The following METTL24 variants were observed in gnomAD, a reference collection of about 807,000 sequenced individuals.
METTL24 encodes the protein methyltransferase like 24, also known as probable methyltransferase-like protein 24.
Under a neutral mutation model 32.7 loss-of-function variants are expected in METTL24, and 29 were observed. That is an observed-to-expected ratio of 0.89 (90% CI 0.66 to 1.21). METTL24 has a LOEUF of 1.21. Among genes scored for constraint, METTL24 ranks in the 50% most tolerant of loss-of-function variants. The pLI, the probability that METTL24 is intolerant of heterozygous loss-of-function variation, is 0.00. For missense variants in METTL24, 439 were observed against 468.1 expected, an observed-to-expected ratio of 0.94 and a Z score of 0.57; for synonymous variants, 163 against 179.5, an observed-to-expected ratio of 0.91 and a Z score of 0.73.
chr6:110,263,803 C>A (rs972565214), intron 4 of METTL24, among the ~76,000 whole-genome samples: 24 of 152,122 alleles, frequency 1.6e-4, no homozygotes, highest in Non-Finnish European at 2.6e-4. Context: ...ACAGAGCCCT[C>A]AGAAATAATG....
rs1778196615 is a variant in METTL24, at chr6:110,247,814, G to C, written c.787-1554C>G. ...TTCTCATTGCATGTCTGTTTGATAA[G>C]TTTCTCATATGAGGCTCAAACGTGA... On this transcript the variant is annotated intron_variant, in intron 4 of 4. Transcript: ENST00000338882. Among the ~76,000 whole-genome samples the C allele has an allele frequency of 2.0e-5, 3 of 152,272 alleles. No individual in the cohort carries two copies. The Middle Eastern group carries it at 0.01, about 518-fold the overall frequency.
At chr6:110,274,885 A>C (rs1044525139) in intron 4 of METTL24, among the ~76,000 whole-genome samples, 16 of 134,100 alleles carry the variant, frequency 1.2e-4, no homozygotes, top group Admixed American at 8.0e-4. Context: ...TACAACCTCC[A>C]CCTCTCAGGC....
intron 4 of METTL24, chr6:110,253,810 C>A: frequency 1.8e-6 from 2 of 1,127,506 alleles, no homozygotes; most frequent in Non-Finnish European, 2.3e-6. Context: ...GTTTTCAAAT[C>A]TGCTTTTTAA....
chr6:110,282,207 C>T (rs777382267), intron 4 of METTL24, among the ~76,000 whole-genome samples: 2 of 152,130 alleles, frequency 1.3e-5, no homozygotes, highest in Non-Finnish European at 2.9e-5. Context: ...AGAAAATTGG[C>T]GCTCTTTAAC....
intron 3 of METTL24, among the ~76,000 whole-genome samples, chr6:110,306,347 C>A (rs563735087): frequency 9.1e-4 from 138 of 150,904 alleles, no homozygotes; most frequent in African/African-American, 2.8e-3. Flanking sequence ...TAAAATAAAA[C>A]TAAAAAAAAG....
chr6:110,310,544 T>C (rs1312552975), intron 3 of METTL24, among the ~76,000 whole-genome samples: 1 of 152,174 alleles, frequency 6.6e-6, no homozygotes, highest in Non-Finnish European at 1.5e-5. Context: ...CCTCTCCTTT[T>C]TTCTCTTCTC....
chr6:110,253,945 A>G lies in METTL24; in HGVS notation c.787-7685T>C, dbSNP rs1231591002. 23 of 1,451,640 alleles carry G rather than the reference A, an allele frequency of 1.6e-5. No homozygotes were observed. In the South Asian group the frequency reaches 3.2e-4, roughly 20 times the overall value. 89.9% of individuals were successfully genotyped at this position (1,451,640 alleles called of 1,614,324 possible). On this transcript the variant is annotated intron_variant, in intron 4 of 4. Transcript: ENST00000338882. ...CTGCAGGTCCCCAGGAGGGGTGAGG[A>G]GGATGGCAAGTGGGTGAAGGTCCAG...
chr6:110,281,925 A>G (rs1771143691), intron 4 of METTL24, among the ~76,000 whole-genome samples: 1 of 152,134 alleles, frequency 6.6e-6, no homozygotes, highest in South Asian at 2.1e-4. Context: ...ATATTTTCAA[A>G]GATGTGAATA....
chr6:110,347,195 A>G (rs1234243077), intron 1 of METTL24, among the ~76,000 whole-genome samples: 1 of 152,202 alleles, frequency 6.6e-6, no homozygotes, highest in Non-Finnish European at 1.5e-5. Context: ...TCAGCAGGCA[A>G]ATATAGAAAA....
At chr6:110,357,894 G>A in intron 1 of METTL24, 61 bp downstream of exon 1, 2 of 1,022,928 alleles carry the variant, frequency 2.0e-6, no homozygotes, top group Non-Finnish European at 1.2e-6. Flanking sequence ...GCCGGGCTCC[G>A]TAGCGCGGTC....
intron 2 of METTL24, among the ~76,000 whole-genome samples, 165 bp from the exon 3 acceptor site, chr6:110,315,646 G>A (rs2114747632): frequency 6.6e-6 from 1 of 152,300 alleles, no homozygotes; most frequent in South Asian, 2.1e-4. Context: ...GCTATAAAGT[G>A]TTTGGAGAAA....
At chr6:110,274,988 G>C (rs927908439) in intron 4 of METTL24, among the ~76,000 whole-genome samples, 1 of 150,680 alleles carries the variant, frequency 6.6e-6, no homozygotes, top group Non-Finnish European at 1.5e-5. Flanking sequence ...TTGTAGAGAC[G>C]GGGCTTTACC....
At chr6:110,313,534 C>T (rs1771763669) in intron 3 of METTL24, among the ~76,000 whole-genome samples, 1 of 152,144 alleles carries the variant, frequency 6.6e-6, no homozygotes, top group African/African-American at 2.4e-5. Context: ...TCAGTTATAT[C>T]CTTTAAATGA....
chr6:110,326,741 T>C (rs1000602354), intron 1 of METTL24, among the ~76,000 whole-genome samples: 2 of 152,206 alleles, frequency 1.3e-5, no homozygotes, highest in African/African-American at 4.8e-5. Flanking sequence ...TATGGAGAAG[T>C]CTGTAGTACA....
chr6:110,282,839 C>G (rs1365614665), intron 4 of METTL24, among the ~76,000 whole-genome samples: 2 of 152,162 alleles, frequency 1.3e-5, no homozygotes, highest in Non-Finnish European at 1.5e-5. Flanking sequence ...TGTGGCCAGC[C>G]TCTTTCTTTG....
At chr6:110,282,233 T>C (rs1486025206) in intron 4 of METTL24, among the ~76,000 whole-genome samples, 4 of 152,152 alleles carry the variant, frequency 2.6e-5, no homozygotes, top group African/African-American at 7.2e-5. Flanking sequence ...CTGCAGTAAA[T>C]GGTTAAACTA....
rs930923540 is a variant in METTL24, at chr6:110,299,413, T to C, written c.558-263A>G. 1.4e-5 allele frequency among the ~76,000 whole-genome samples: 2 copies of C among 147,860 alleles called. 1 individual carries two copies. The highest frequency in any genetic ancestry group is 4.2e-4 in the South Asian group (2 of 4,710). On this transcript the variant is annotated intron_variant, in intron 3 of 4. Coordinates refer to ENST00000338882, the MANE Select transcript of METTL24 (RefSeq NM_001123364.3). ...AACATGTAGGCGCATCATCAAATTG[T>C]TTTTTTTTTAAGTGATGTAAATCAC...
At chr6:110,323,242 C>T (rs1036693980) in intron 1 of METTL24, among the ~76,000 whole-genome samples, 7 of 152,214 alleles carry the variant, frequency 4.6e-5, no homozygotes, top group African/African-American at 1.7e-4. Flanking sequence ...ACTCCCTTAT[C>T]GACGACAGTC....
At chr6:110,340,304 G>A (rs2114770582) in intron 1 of METTL24, among the ~76,000 whole-genome samples, 1 of 152,284 alleles carries the variant, frequency 6.6e-6, no homozygotes, top group South Asian at 2.1e-4. Flanking sequence ...ACCTCCTGAG[G>A]GTTCAGCCCA....
Sources: allele counts gnomAD v4.1 joint callset (sites outside exome capture counted in the v4.1 genomes callset), GRCh38; gene constraint gnomAD v4.1.1; transcripts MANE v1.5; gene names NCBI Gene and HGNC (gene_info 2026-07-23, HGNC 2026-07-21).